ALCAM: variants seen among roughly 807,000 people sequenced by gnomAD.
ALCAM encodes CD166 antigen.
In ALCAM, 30 loss-of-function variants were observed where a neutral mutation model predicts 70.9. That is an observed-to-expected ratio of 0.42 (90% CI 0.32 to 0.57). The LOEUF (loss-of-function observed/expected upper bound fraction) is 0.57. ALCAM is among the 20% of genes least tolerant of loss of function. The pLI is 0.11. For synonymous variants in ALCAM, 249 were observed against 242.5 expected (o/e 1.03, Z -0.25); for missense variants, 591 against 695.1 (o/e 0.85, Z 1.68).
At chr3:105,491,193 T>C (rs996916593) in intron 1 of ALCAM, among the ~76,000 whole-genome samples, 4 of 152,178 alleles carry the variant, frequency 2.6e-5, no homozygotes, top group Non-Finnish European at 5.9e-5. Context: ...CCTTCAGCCA[T>C]GGCTGGAGTG....
chr3:105,537,782 T>G (rs1940010220), intron 6 of ALCAM, among the ~76,000 whole-genome samples: 1 of 152,158 alleles, frequency 6.6e-6, no homozygotes, highest in Admixed American at 6.5e-5. Context: ...TTATTAAGTT[T>G]GGTGTCTTTA....
At position 105,447,580 on chromosome 3, in the gene ALCAM, T is replaced by C. The variant is rs182697192; in HGVS notation, c.74-72487T>C. Among the ~76,000 whole-genome samples, 9 of 152,238 alleles carry C rather than the reference T, an allele frequency of 5.9e-5. No homozygotes were observed. In the East Asian group the frequency reaches 1.7e-3, roughly 29 times the overall value. On this transcript the variant is annotated intron_variant, in intron 1 of 15. Coordinates refer to ENST00000306107, the MANE Select transcript of ALCAM (RefSeq NM_001627.4). ...ATTTAGCCAGGCCTGGTGGCATGCA[T>C]CTGGGGTGCTACCACCCAGCTACTC...
chr3:105,482,139 G>A (rs1413692641), intron 1 of ALCAM, among the ~76,000 whole-genome samples: 9 of 152,052 alleles, frequency 5.9e-5, no homozygotes, highest in Admixed American at 5.2e-4. Flanking sequence ...TTTTGAGACA[G>A]TCTCACTCTG....
intron 14 of ALCAM, among the ~76,000 whole-genome samples, chr3:105,571,626 A>AT (rs948000564): frequency 3.7e-4 from 56 of 151,582 alleles, no homozygotes; most frequent in African/African-American, 1.1e-3. Flanking sequence ...AAAATAATTG[A>AT]TTTTTTTTTC....
intron 1 of ALCAM, among the ~76,000 whole-genome samples, chr3:105,467,112 G>T (rs1937761371): frequency 6.6e-6 from 1 of 151,438 alleles, no homozygotes; most frequent in African/African-American, 2.4e-5. Flanking sequence ...TTTCTAAAAT[G>T]AGTATAATAC....
At chr3:105,394,025 A>G (rs1935887785) in intron 1 of ALCAM, among the ~76,000 whole-genome samples, 2 of 151,880 alleles carry the variant, frequency 1.3e-5, no homozygotes, top group Non-Finnish European at 2.9e-5. Context: ...TATTTTTACA[A>G]AATATTTCGA....
chr3:105,472,852 G>A (rs1420854958), intron 1 of ALCAM, among the ~76,000 whole-genome samples: 2 of 151,352 alleles, frequency 1.3e-5, no homozygotes, highest in African/African-American at 4.8e-5. Flanking sequence ...GCAAAATAAG[G>A]ACAAAGATAA....
Position 105,423,407 on chromosome 3 carries a change from C to A in ALCAM, c.73+55926C>A, listed in dbSNP as rs181190953. Among the ~76,000 whole-genome samples, 111 of 150,582 alleles carry A rather than the reference C, an allele frequency of 7.4e-4. No homozygotes were observed. In the East Asian group the frequency reaches 0.02, roughly 27 times the overall value. ...CTTAACATTAGGCTTAATCAGTTAT[C>A]CTAGAAATTTAATATTGAATAATTC... On this transcript the variant is annotated intron_variant, in intron 1 of 15. Transcript: ENST00000306107.
At chr3:105,537,158 C>T (rs1293448886) in intron 6 of ALCAM, among the ~76,000 whole-genome samples, 1 of 151,628 alleles carries the variant, frequency 6.6e-6, no homozygotes, top group African/African-American at 2.4e-5. Context: ...CTTTCTTACC[C>T]TATTCAATCA....
At chr3:105,491,884 G>A (rs1938596049) in intron 1 of ALCAM, among the ~76,000 whole-genome samples, 1 of 152,172 alleles carries the variant, frequency 6.6e-6, no homozygotes, top group Non-Finnish European at 1.5e-5. Context: ...AATGGTTCCA[G>A]CTTCTGCCTG....
chr3:105,430,890 T>C (rs1430376984), intron 1 of ALCAM, among the ~76,000 whole-genome samples: 2 of 152,132 alleles, frequency 1.3e-5, no homozygotes, highest in East Asian at 3.9e-4. Flanking sequence ...GATATTATTT[T>C]ATACTATGAA....
At chr3:105,520,248 C>T (rs1576217554) in intron 2 of ALCAM, 81 bp downstream of exon 2, 1 of 989,294 alleles carries the variant, frequency 1.0e-6, no homozygotes, top group Non-Finnish European at 1.6e-6. Context: ...CTGTGAATTT[C>T]AAATTAACCT....
intron 1 of ALCAM, among the ~76,000 whole-genome samples, chr3:105,432,171 A>G (rs547793061): frequency 6.6e-6 from 1 of 152,286 alleles, no homozygotes; most frequent in South Asian, 2.1e-4. Flanking sequence ...AAATAGAGTT[A>G]TTGACAATTG....
chr3:105,472,082 G>T (rs181411302), intron 1 of ALCAM, among the ~76,000 whole-genome samples: 1 of 151,388 alleles, frequency 6.6e-6, no homozygotes, highest in Non-Finnish European at 1.5e-5. Flanking sequence ...TTCACTGAAC[G>T]CAGTGTCTTC....
chr3:105,386,782 A>T (rs961307614), intron 1 of ALCAM, among the ~76,000 whole-genome samples: 1 of 151,512 alleles, frequency 6.6e-6, no homozygotes, highest in African/African-American at 2.4e-5. Flanking sequence ...AAAGAAGTAT[A>T]CATGTTAGAT....
chr3:105,550,876 G>A (rs1940385528), intron 12 of ALCAM, among the ~76,000 whole-genome samples: 1 of 151,570 alleles, frequency 6.6e-6, no homozygotes, highest in South Asian at 2.1e-4. Context: ...TGAAATCAGG[G>A]TAATACATAC....
chr3:105,426,666 A>C (rs1261656810), intron 1 of ALCAM, among the ~76,000 whole-genome samples: 1 of 151,936 alleles, frequency 6.6e-6, no homozygotes, highest in African/African-American at 2.4e-5. Flanking sequence ...TGTTTTTCAC[A>C]AAGAAGCCCC....
chr3:105,557,158 T>A (rs995459547), intron 14 of ALCAM, among the ~76,000 whole-genome samples: 14 of 152,052 alleles, frequency 9.2e-5, no homozygotes, highest in African/African-American at 3.4e-4. Flanking sequence ...AAGGGTATGA[T>A]CTTAAGGGCA....
chr3:105,400,241 A>C (rs1314890314), intron 1 of ALCAM, among the ~76,000 whole-genome samples: 1 of 152,138 alleles, frequency 6.6e-6, no homozygotes, highest in Non-Finnish European at 1.5e-5. Flanking sequence ...TTTGTGGGTA[A>C]AGTATTTGAA....
Sources: allele counts gnomAD v4.1 joint callset (sites outside exome capture counted in the v4.1 genomes callset), GRCh38; gene constraint gnomAD v4.1.1; transcripts MANE v1.5; gene names NCBI Gene and HGNC (gene_info 2026-07-23, HGNC 2026-07-21).